ADAMTSL3: variants seen among roughly 807,000 people sequenced by gnomAD.
ADAMTSL3 encodes the protein ADAMTS like 3.
A neutral mutation model predicts 201.7 loss-of-function variants in ADAMTSL3; 128 were observed. That is an observed-to-expected ratio of 0.63 (90% CI 0.55 to 0.73). The LOEUF is 0.73. Among genes scored for constraint, ADAMTSL3 ranks in the 30% least tolerant of loss-of-function variants. ADAMTSL3 has a pLI of 0.00. For missense variants in ADAMTSL3, 1,990 were observed against 2,119.6 expected, an observed-to-expected ratio of 0.94 and a Z score of 1.20; for synonymous variants, 738 against 748.4, an observed-to-expected ratio of 0.99 and a Z score of 0.23.
At chr15:83,655,312 TAGGC>T (rs2061064210) in intron 1 of ADAMTSL3, among the ~76,000 whole-genome samples, 1 of 152,224 alleles carries the variant, frequency 6.6e-6, no homozygotes, top group Admixed American at 6.5e-5. Context: ...TGTGTGACCT[TAGGC>T]AGGTCCTTTC....
chr15:83,864,830 G>A (rs11632033), intron 8 of ADAMTSL3, among the ~76,000 whole-genome samples: 2 of 152,232 alleles, frequency 1.3e-5, no homozygotes, highest in Non-Finnish European at 2.9e-5. Context: ...AATTGTCCCT[G>A]TTTGCAGATG....
At chr15:83,965,549 C>T (rs953864931) in intron 19 of ADAMTSL3, among the ~76,000 whole-genome samples, 1 of 152,052 alleles carries the variant, frequency 6.6e-6, no homozygotes. Context: ...TCTTAGAGAC[C>T]TACAAAGAGA....
intron 28 of ADAMTSL3, among the ~76,000 whole-genome samples, chr15:84,035,510 C>T (rs1219060716): frequency 6.6e-6 from 1 of 152,084 alleles, no homozygotes; most frequent in African/African-American, 2.4e-5. Flanking sequence ...AACAGGACAC[C>T]CACCTCTTCC....
At position 83,742,398 on chromosome 15, in the gene ADAMTSL3, C is replaced by T. The variant is rs1282187712; in HGVS notation, c.190-31125C>T. Among the ~76,000 whole-genome samples the T allele has an allele frequency of 2.0e-5, 3 of 151,884 alleles. No homozygotes were observed. In the East Asian group the frequency reaches 5.8e-4, roughly 29 times the overall value. On this transcript the variant is annotated intron_variant, in intron 3 of 29. Coordinates refer to ENST00000286744, the MANE Select transcript of ADAMTSL3 (RefSeq NM_207517.3). The stretch of plus-strand genomic sequence containing the variant: ...AATGAATAGAAATAAACTAAACTTC[C>T]AACTTATGACAGTAGAAAAACAAAA...
At chr15:83,656,105 C>T (rs2061079807) in intron 2 of ADAMTSL3, among the ~76,000 whole-genome samples, 1 of 152,200 alleles carries the variant, frequency 6.6e-6, no homozygotes, top group Admixed American at 6.5e-5. Flanking sequence ...TGGACCCTGT[C>T]ATTTCAGACT....
chr15:83,984,547 T>C (rs2067441598), intron 21 of ADAMTSL3, among the ~76,000 whole-genome samples: 1 of 152,142 alleles, frequency 6.6e-6, no homozygotes, highest in Non-Finnish European at 1.5e-5. Flanking sequence ...CTCTTTAAAA[T>C]TTAAAAATGA....
chr15:84,002,936 C>CTTTTTTTTTTTTTTTTTTTTTTTTTTT (rs368176543), intron 23 of ADAMTSL3, among the ~76,000 whole-genome samples: 20 of 99,976 alleles, frequency 2.0e-4, no homozygotes, highest in Non-Finnish European at 2.6e-4. Context: ...CTTTTCTTTT[C>CTTTTTTTTTTTTTTTTTTTTTTTTTTT]TTTTTTTTTT....
intron 6 of ADAMTSL3, among the ~76,000 whole-genome samples, chr15:83,836,165 A>G (rs886587635): frequency 2.0e-5 from 3 of 152,256 alleles, no homozygotes; most frequent in Non-Finnish European, 4.4e-5. Context: ...CTCAAAAGTC[A>G]TTGGATTAAG....
chr15:83,734,743 T>A (rs2062341587), intron 3 of ADAMTSL3, among the ~76,000 whole-genome samples: 1 of 152,202 alleles, frequency 6.6e-6, no homozygotes. Flanking sequence ...ATTTCCTTTT[T>A]AGACCCCAGA....
chr15:83,957,072 G>A (rs541565667), intron 19 of ADAMTSL3, among the ~76,000 whole-genome samples: 1 of 152,280 alleles, frequency 6.6e-6, no homozygotes, highest in African/African-American at 2.4e-5. Context: ...GAAGGGAAAC[G>A]TTTAAGTCTG....
At chr15:83,943,122 C>T (rs754547745) in intron 19 of ADAMTSL3, 40 bp downstream of exon 19, 8 of 1,550,662 alleles carry the variant, frequency 5.2e-6, no homozygotes, top group Admixed American at 2.0e-5. Context: ...TTCTTTTCTG[C>T]CCCTCCTTTG....
At chr15:83,697,401 C>T (rs948266606) in intron 2 of ADAMTSL3, among the ~76,000 whole-genome samples, 1 of 152,000 alleles carries the variant, frequency 6.6e-6, no homozygotes, top group Non-Finnish European at 1.5e-5. Flanking sequence ...AGTATCAGAC[C>T]CCACAGGTTA....
chr15:83,831,594 T>C (rs895976722), intron 6 of ADAMTSL3, among the ~76,000 whole-genome samples: 2 of 152,198 alleles, frequency 1.3e-5, no homozygotes, highest in African/African-American at 4.8e-5. Context: ...AGTGGTGCTA[T>C]CATGGCTCAT....
intron 9 of ADAMTSL3, among the ~76,000 whole-genome samples, chr15:83,876,869 T>G (rs2065186898): frequency 6.6e-6 from 1 of 152,234 alleles, no homozygotes; most frequent in South Asian, 2.1e-4. Context: ...CTCACCTCAC[T>G]GCAACCTCCA....
At chr15:83,975,134 T>TG (rs1478988920) in intron 20 of ADAMTSL3, among the ~76,000 whole-genome samples, 3 of 151,680 alleles carry the variant, frequency 2.0e-5, no homozygotes, top group African/African-American at 7.3e-5. Flanking sequence ...CCTGAGTAGC[T>TG]GGGACTACAG....
chr15:83,689,545 A>C (rs2141451611), intron 2 of ADAMTSL3, among the ~76,000 whole-genome samples: 1 of 152,256 alleles, frequency 6.6e-6, no homozygotes, highest in South Asian at 2.1e-4. Context: ...ATCTCTGTTG[A>C]CCTGTGAAGC....
chr15:83,823,781 G>T (rs2063935066), intron 6 of ADAMTSL3, among the ~76,000 whole-genome samples: 1 of 152,162 alleles, frequency 6.6e-6, no homozygotes, highest in Non-Finnish European at 1.5e-5. Flanking sequence ...TCAATGGCTT[G>T]TCCTTGCATT....
intron 5 of ADAMTSL3, among the ~76,000 whole-genome samples, chr15:83,815,142 C>T (rs1471496599): frequency 6.6e-6 from 1 of 152,172 alleles, no homozygotes; most frequent in Non-Finnish European, 1.5e-5. Flanking sequence ...GCTTCCCAGA[C>T]TGGCTACCTG....
chr15:83,926,933 A>G (rs1279447635), intron 17 of ADAMTSL3, among the ~76,000 whole-genome samples: 1 of 151,666 alleles, frequency 6.6e-6, no homozygotes, highest in Non-Finnish European at 1.5e-5. Context: ...AACATTCTTT[A>G]TCAAAATAGT....
Sources: allele counts gnomAD v4.1 joint callset (sites outside exome capture counted in the v4.1 genomes callset), GRCh38; gene constraint gnomAD v4.1.1; transcripts MANE v1.5; gene names NCBI Gene and HGNC (gene_info 2026-07-23, HGNC 2026-07-21).